The following RFX3 variants were observed in gnomAD, a reference collection of about 807,000 sequenced individuals.
RFX3 encodes the protein regulatory factor X3.
In RFX3, 14 loss-of-function variants were observed where a neutral mutation model predicts 98.6. The observed-to-expected ratio is 0.14, with a 90% confidence interval of 0.09 to 0.22. The LOEUF is 0.22. Among genes scored for constraint, RFX3 ranks in the 10% least tolerant of loss-of-function variants. The pLI is 1.00. For synonymous variants in RFX3, 383 were observed against 328.4 expected, an observed-to-expected ratio of 1.17 and a Z score of -1.80; for missense variants, 639 against 926.9, an observed-to-expected ratio of 0.69 and a Z score of 4.03.
chr9:3,514,036 TTAAC>T (rs773398613), intron 1 of RFX3, among the ~76,000 whole-genome samples: 9 of 152,220 alleles, frequency 5.9e-5, no homozygotes, highest in Non-Finnish European at 1.2e-4. Flanking sequence ...ATTTTTGTCT[TTAAC>T]TACAATTTAA....
chr9:3,457,943 G>A (rs925429724), intron 1 of RFX3, among the ~76,000 whole-genome samples: 1 of 152,116 alleles, frequency 6.6e-6, no homozygotes, highest in African/African-American at 2.4e-5. Flanking sequence ...AATAAGTGCT[G>A]TGTGAGCAGA....
chr9:3,420,657 T>G (rs564812228), intron 1 of RFX3: 2 of 341,802 alleles, frequency 5.9e-6, no homozygotes, highest in Non-Finnish European at 8.3e-6. Flanking sequence ...GTATCCCACA[T>G]AGATAAAAGA....
intron 1 of RFX3, chr9:3,420,829 G>A (rs557824552): frequency 1.2e-5 from 12 of 985,012 alleles, no homozygotes; most frequent in Middle Eastern, 1.0e-3. Context: ...GATCCAAGAT[G>A]TCAGAAAGCA....
chr9:3,235,531 T>A (rs1435822871), intron 15 of RFX3, among the ~76,000 whole-genome samples: 1 of 152,140 alleles, frequency 6.6e-6, no homozygotes, highest in Non-Finnish European at 1.5e-5. Flanking sequence ...ATTCTGGAGG[T>A]CAGAAGTTCT....
intron 1 of RFX3, among the ~76,000 whole-genome samples, chr9:3,478,034 C>G (rs1334677863): frequency 1.3e-5 from 2 of 152,062 alleles, no homozygotes; most frequent in African/African-American, 2.4e-5. Context: ...TGGTGAAACA[C>G]CATTCTGATG....
chr9:3,512,178 T>C (rs1029029151), intron 1 of RFX3, among the ~76,000 whole-genome samples: 1 of 152,050 alleles, frequency 6.6e-6, no homozygotes, highest in Non-Finnish European at 1.5e-5. Flanking sequence ...TAAGCATTTT[T>C]TCAAGTATAC....
At chr9:3,424,946 T>C (rs1843863935) in intron 1 of RFX3, among the ~76,000 whole-genome samples, 1 of 152,190 alleles carries the variant, frequency 6.6e-6, no homozygotes. Flanking sequence ...TGATTTTTTG[T>C]TGGCCAGGCA....
At chr9:3,503,833 A>G (rs1250439827) in intron 1 of RFX3, among the ~76,000 whole-genome samples, 1 of 152,058 alleles carries the variant, frequency 6.6e-6, no homozygotes, top group Non-Finnish European at 1.5e-5. Context: ...TTATCACAGA[A>G]GCCATCATAT....
chr9:3,496,544 G>C (rs551499747), intron 1 of RFX3, among the ~76,000 whole-genome samples: 1 of 151,904 alleles, frequency 6.6e-6, no homozygotes, highest in East Asian at 1.9e-4. Flanking sequence ...AAGCCAGAAA[G>C]ATGAAAATAA....
chr9:3,227,915 A>T (rs1211935941), intron 16 of RFX3, among the ~76,000 whole-genome samples: 1 of 151,710 alleles, frequency 6.6e-6, no homozygotes, highest in South Asian at 2.1e-4. Context: ...CTCTTTACAG[A>T]CTCCCCACGT....
At chr9:3,272,686 A>C (rs1824656470) in intron 9 of RFX3, among the ~76,000 whole-genome samples, 1 of 152,232 alleles carries the variant, frequency 6.6e-6, no homozygotes, top group African/African-American at 2.4e-5. Flanking sequence ...AGTGTGGAGC[A>C]ACTATTAATA....
At chr9:3,332,743 C>T (rs574627198) in intron 3 of RFX3, among the ~76,000 whole-genome samples, 10 of 152,264 alleles carry the variant, frequency 6.6e-5, no homozygotes, top group Admixed American at 2.6e-4. Flanking sequence ...TTATCAAATG[C>T]TCTCTTCACT....
chr9:3,290,197 C>T (rs1413966373), intron 6 of RFX3, among the ~76,000 whole-genome samples: 2 of 144,742 alleles, frequency 1.4e-5, no homozygotes, highest in African/African-American at 5.3e-5. Flanking sequence ...ACACTACATA[C>T]AATTAAAAAA....
At chr9:3,345,696 A>G (rs1834375102) in intron 3 of RFX3, among the ~76,000 whole-genome samples, 1 of 152,204 alleles carries the variant, frequency 6.6e-6, no homozygotes, top group South Asian at 2.1e-4. Flanking sequence ...CGAATACAAA[A>G]TTAACCAGAA....
chr9:3,438,694 A>G (rs1378741463), intron 1 of RFX3, among the ~76,000 whole-genome samples: 1 of 152,088 alleles, frequency 6.6e-6, no homozygotes, highest in Non-Finnish European at 1.5e-5. Context: ...ACAGAAAAAG[A>G]TATACCACAC....
intron 5 of RFX3, among the ~76,000 whole-genome samples, 186 bp from the exon 6 acceptor site, chr9:3,293,444 C>A (rs953847625): frequency 6.6e-6 from 1 of 152,130 alleles, no homozygotes; most frequent in Non-Finnish European, 1.5e-5. Flanking sequence ...CTGTAAATAG[C>A]TGAACATCAC....
chr9:3,234,273 C>A (rs1386945418), intron 15 of RFX3, among the ~76,000 whole-genome samples: 2 of 152,186 alleles, frequency 1.3e-5, no homozygotes, highest in Non-Finnish European at 2.9e-5. Context: ...TTATTCAACC[C>A]TACCAGTGTA....
chr9:3,295,223 T>A (rs945458636), intron 5 of RFX3, among the ~76,000 whole-genome samples: 10 of 152,038 alleles, frequency 6.6e-5, no homozygotes, highest in African/African-American at 9.6e-5. Context: ...GTTTTTTTTT[T>A]AAGACTTTAT....
intron 11 of RFX3, among the ~76,000 whole-genome samples, chr9:3,270,045 T>G (rs639102): frequency 1.5e-5 from 2 of 129,558 alleles, no homozygotes; most frequent in Non-Finnish European, 3.1e-5. Context: ...TTGGCTTTTC[T>G]ATCAAAAAAA....
Sources: allele counts gnomAD v4.1 joint callset (sites outside exome capture counted in the v4.1 genomes callset), GRCh38; gene constraint gnomAD v4.1.1; transcripts MANE v1.5; gene names NCBI Gene and HGNC (gene_info 2026-07-23, HGNC 2026-07-21).